Variants in CAST observed in about 807,000 individuals in gnomAD.
CAST encodes calpastatin.
Under a neutral mutation model 119.6 loss-of-function variants are expected in CAST, and 76 were observed. That is an observed-to-expected ratio of 0.64 (90% CI 0.53 to 0.77). The LOEUF (loss-of-function observed/expected upper bound fraction) is 0.77, where lower values mean the gene tolerates loss of function less well. Ranked by LOEUF, CAST falls within the 30% of genes least tolerant of loss-of-function variation. The pLI is 0.00. For synonymous variants in CAST, 319 were observed against 331.6 expected, an observed-to-expected ratio of 0.96 and a Z score of 0.41; for missense variants, 953 against 946.5, an observed-to-expected ratio of 1.01 and a Z score of -0.09.
intron 24 of CAST, among the ~76,000 whole-genome samples, chr5:96,759,179 A>G (rs1183776598): frequency 6.6e-6 from 1 of 152,204 alleles, no homozygotes; most frequent in African/African-American, 2.4e-5. Context: ...ACTAATCATC[A>G]TGAGAACCAA....
chr5:96,482,439 T>C, the CAST span, among the ~76,000 whole-genome samples: 1 of 151,680 alleles, frequency 6.6e-6, no homozygotes, highest in South Asian at 2.1e-4. Flanking sequence ...GAAAATTGTC[T>C]CTTATTCCTC....
chr5:96,182,921 G>A, the CAST span, among the ~76,000 whole-genome samples: 4 of 151,976 alleles, frequency 2.6e-5, no homozygotes, highest in Non-Finnish European at 5.9e-5. Context: ...GGCGGATCTC[G>A]AGGTCAGGAG....
At chr5:96,189,248 G>A in the CAST span, among the ~76,000 whole-genome samples, 1 of 152,150 alleles carries the variant, frequency 6.6e-6, no homozygotes, top group South Asian at 2.1e-4. Context: ...ATGTTTGCAA[G>A]TAATTTCATC....
At chr5:96,456,182 A>G in the CAST span, among the ~76,000 whole-genome samples, 3 of 152,238 alleles carry the variant, frequency 2.0e-5, no homozygotes, top group Non-Finnish European at 2.9e-5. Flanking sequence ...TGTGACAAAG[A>G]AAGAAGGAGC....
chr5:96,130,971 C>G, the CAST span, among the ~76,000 whole-genome samples: 1 of 152,116 alleles, frequency 6.6e-6, no homozygotes, highest in African/African-American at 2.4e-5. Context: ...TGAATAATAT[C>G]TATCACAATA....
intron 1 of CAST, among the ~76,000 whole-genome samples, chr5:96,580,319 C>T (rs190584393): frequency 6.6e-5 from 10 of 152,054 alleles, no homozygotes; most frequent in South Asian, 2.1e-4. Context: ...AATTTAATGA[C>T]GATAATGACA....
At chr5:96,465,109 A>G in the CAST span, among the ~76,000 whole-genome samples, 2 of 152,046 alleles carry the variant, frequency 1.3e-5, no homozygotes, top group Non-Finnish European at 2.9e-5. Flanking sequence ...TCATCTCTGT[A>G]TAAGTCTGGC....
At chr5:96,157,152 T>C in the CAST span, among the ~76,000 whole-genome samples, 2 of 152,202 alleles carry the variant, frequency 1.3e-5, no homozygotes, top group African/African-American at 4.8e-5. Context: ...AAACAATGTA[T>C]TCCCTGTTTT....
At chr5:96,621,969 C>CTTT (rs35728460) in intron 1 of CAST, among the ~76,000 whole-genome samples, 4,549 of 113,660 alleles carry the variant, frequency 0.04, 300 homozygotes, top group African/African-American at 0.082. Context: ...CTTTTTTTCT[C>CTTT]TTTTTTTTTT....
chr5:96,501,115 G>A, the CAST span, among the ~76,000 whole-genome samples: 8 of 152,114 alleles, frequency 5.3e-5, no homozygotes, highest in African/African-American at 1.2e-4. Context: ...TGAAAACTTC[G>A]GCAGAATGGC....
the CAST span, among the ~76,000 whole-genome samples, chr5:96,418,317 G>A: frequency 6.6e-6 from 1 of 152,110 alleles, no homozygotes; most frequent in Non-Finnish European, 1.5e-5. Context: ...GTAGTAACTG[G>A]CATTTAAACA....
the CAST span, among the ~76,000 whole-genome samples, chr5:96,501,558 C>T: frequency 6.6e-6 from 1 of 152,130 alleles, no homozygotes; most frequent in African/African-American, 2.4e-5. Context: ...TGCAAAAATA[C>T]AAAATGCAAA....
chr5:96,452,910 A>G, the CAST span, among the ~76,000 whole-genome samples: 4 of 129,002 alleles, frequency 3.1e-5, no homozygotes, highest in African/African-American at 1.3e-4. Context: ...AGATTGCGCC[A>G]CTGCAGTCCG....
chr5:96,482,606 A>G, the CAST span, among the ~76,000 whole-genome samples: 1 of 152,054 alleles, frequency 6.6e-6, no homozygotes, highest in East Asian at 1.9e-4. Context: ...GCAATGAAGA[A>G]AAAAACTCCT....
chr5:96,653,656 TTTTC>T (rs1198376006), intron 1 of CAST, among the ~76,000 whole-genome samples: 4 of 152,244 alleles, frequency 2.6e-5, no homozygotes, highest in African/African-American at 9.6e-5. Context: ...TTAAAAGCTC[TTTTC>T]TTTTTCTTCT....
the CAST span, among the ~76,000 whole-genome samples, chr5:96,351,180 A>T: frequency 6.6e-6 from 1 of 152,144 alleles, no homozygotes; most frequent in Non-Finnish European, 1.5e-5. Context: ...TGATATAAAA[A>T]CACATAACAT....
chr5:96,092,881 G>A, the CAST span, among the ~76,000 whole-genome samples: 1 of 152,204 alleles, frequency 6.6e-6, no homozygotes, highest in African/African-American at 2.4e-5. Flanking sequence ...GAGACACCGT[G>A]TAGCTTAACT....
intron 6 of CAST, chr5:96,728,568 C>T (rs1759749680): frequency 1.3e-5 from 2 of 152,058 alleles, no homozygotes; most frequent in Admixed American, 1.3e-4. Flanking sequence ...GCTCCGCCTC[C>T]CGGGTTCACG....
At chr5:96,241,958 A>G in the CAST span, among the ~76,000 whole-genome samples, 2 of 135,074 alleles carry the variant, frequency 1.5e-5, no homozygotes, top group Non-Finnish European at 3.2e-5. Flanking sequence ...TAGATTCTGG[A>G]TATTAGCCCT....
Sources: gnomAD v4.1 joint callset for allele counts (sites outside exome capture counted in the v4.1 genomes callset) on GRCh38, gnomAD v4.1.1 for gene constraint, MANE v1.5 for transcripts, NCBI Gene and HGNC (gene_info 2026-07-23, HGNC 2026-07-21) for gene names.